LOC122539214: variants seen among roughly 807,000 people sequenced by gnomAD.
chr19:52,672,538 A>G, the LOC122539214 span, among the ~76,000 whole-genome samples: 2 of 152,236 alleles, frequency 1.3e-5, no homozygotes, highest in Non-Finnish European at 2.9e-5. Flanking sequence ...GCTAGTGCCC[A>G]ACAGTTGGAG....
the LOC122539214 span, chr19:52,660,719 T>C: frequency 1.1e-5 from 2 of 188,776 alleles, no homozygotes; most frequent in African/African-American, 4.7e-5. Context: ...ACCTGGTATA[T>C]CAGAAAAGAG....
At chr19:52,682,674 C>CAAGAAA in the LOC122539214 span, among the ~76,000 whole-genome samples, 19 of 149,864 alleles carry the variant, frequency 1.3e-4, no homozygotes, top group Non-Finnish European at 2.4e-4. Context: ...TCTCAAAAAA[C>CAAGAAA]AAGAAAAAGA....
chr19:52,673,929 T>C, the LOC122539214 span, among the ~76,000 whole-genome samples: 5 of 147,670 alleles, frequency 3.4e-5, no homozygotes, highest in East Asian at 2.0e-4. Context: ...GGCAGGAGAA[T>C]TGGTTGAAGC....
At chr19:52,687,605 A>G in the LOC122539214 span, among the ~76,000 whole-genome samples, 473 of 56,596 alleles carry the variant, frequency 8.4e-3, 10 homozygotes, top group African/African-American at 0.033. Context: ...TAATGTATAT[A>G]TATATAATGT....
the LOC122539214 span, chr19:52,653,354 G>A: frequency 3.3e-6 from 4 of 1,198,002 alleles, no homozygotes; most frequent in Admixed American, 3.5e-5. Context: ...TGTTGTGCAA[G>A]GTATGAATCA....
chr19:52,664,919 T>C, the LOC122539214 span, among the ~76,000 whole-genome samples: 1 of 152,088 alleles, frequency 6.6e-6, no homozygotes, highest in Non-Finnish European at 1.5e-5. Context: ...AGGGAAATAG[T>C]ACCTCCCTGA....
At chr19:52,674,246 T>C in the LOC122539214 span, 2 of 152,202 alleles carry the variant, frequency 1.3e-5, no homozygotes, top group East Asian at 1.9e-4. Context: ...CCTGTCATCA[T>C]AGAAACCCTA....
chr19:52,689,393 A>AG, the LOC122539214 span, among the ~76,000 whole-genome samples: 3 of 150,800 alleles, frequency 2.0e-5, no homozygotes, highest in Non-Finnish European at 4.4e-5. Flanking sequence ...TTATACCCTC[A>AG]TCCCCACTCT....
chr19:52,655,258 C>T, the LOC122539214 span: 3 of 303,300 alleles, frequency 9.9e-6, no homozygotes, highest in African/African-American at 6.6e-5. Flanking sequence ...CTTTCTAGCT[C>T]ATCTCCTGGG....
the LOC122539214 span, among the ~76,000 whole-genome samples, chr19:52,687,928 G>C: frequency 6.6e-6 from 1 of 151,860 alleles, no homozygotes; most frequent in Non-Finnish European, 1.5e-5. Flanking sequence ...AAAGGGAAGA[G>C]AGTAACTTCC....
At chr19:52,685,709 A>C in the LOC122539214 span, among the ~76,000 whole-genome samples, 1 of 152,050 alleles carries the variant, frequency 6.6e-6, no homozygotes, top group African/African-American at 2.4e-5. Context: ...CCAGCCTGGC[A>C]AACATGGTGA....
chr19:52,685,954 C>T, the LOC122539214 span, among the ~76,000 whole-genome samples: 1 of 150,824 alleles, frequency 6.6e-6, no homozygotes, highest in Non-Finnish European at 1.5e-5. Context: ...AACAGCATTC[C>T]ATGCCAATCC....
At chr19:52,687,628 AT>A in the LOC122539214 span, among the ~76,000 whole-genome samples, 1 of 16,266 alleles carries the variant, frequency 6.1e-5, no homozygotes, top group African/African-American at 4.5e-4. Context: ...ATATATATAT[AT>A]AATGTATATA....
the LOC122539214 span, among the ~76,000 whole-genome samples, chr19:52,661,598 T>C: frequency 7.2e-5 from 11 of 152,218 alleles, no homozygotes; most frequent in Non-Finnish European, 1.5e-4. Context: ...GCATAAAAGA[T>C]GTATTTGCAA....
At chr19:52,659,994 C>T in the LOC122539214 span, among the ~76,000 whole-genome samples, 1 of 152,060 alleles carries the variant, frequency 6.6e-6, no homozygotes, top group Non-Finnish European at 1.5e-5. Flanking sequence ...AGTTCGAGAC[C>T]AGTCTGGCCA....
chr19:52,687,497 TAG>T, the LOC122539214 span, among the ~76,000 whole-genome samples: 2 of 19,088 alleles, frequency 1.0e-4, no homozygotes, highest in Admixed American at 4.0e-4. Context: ...ATAATTTATA[TAG>T]ATATATAAAT....
the LOC122539214 span, among the ~76,000 whole-genome samples, chr19:52,680,685 T>C: frequency 7.5e-6 from 1 of 133,154 alleles, no homozygotes; most frequent in Non-Finnish European, 1.5e-5. Flanking sequence ...CGATCTCGGC[T>C]CACTGCAAGC....
At chr19:52,686,605 G>A in the LOC122539214 span, among the ~76,000 whole-genome samples, 19 of 151,534 alleles carry the variant, frequency 1.3e-4, no homozygotes, top group East Asian at 3.9e-4. Flanking sequence ...ATGGAGACTC[G>A]CTATGCCACC....
At chr19:52,671,006 G>C in the LOC122539214 span, among the ~76,000 whole-genome samples, 1 of 152,188 alleles carries the variant, frequency 6.6e-6, no homozygotes, top group South Asian at 2.1e-4. Flanking sequence ...AAAGGTGTTA[G>C]ATTTTTAGTT....
Sources: allele counts gnomAD v4.1 joint callset (sites outside exome capture counted in the v4.1 genomes callset), GRCh38; gene constraint gnomAD v4.1.1; transcripts MANE v1.5.